The following IFT57 variants were observed in gnomAD, a reference collection of about 807,000 sequenced individuals.
IFT57 encodes intraflagellar transport 57, also known as intraflagellar transport protein 57 homolog.
Under a neutral mutation model 56.8 loss-of-function variants are expected in IFT57, and 59 were observed. The observed-to-expected ratio is 1.04, with a 90% CI of 0.84 to 1.29. The LOEUF is 1.29. Ranked by LOEUF, IFT57 falls within the 50% of genes most tolerant of loss-of-function variation. IFT57 has a pLI of 0.00. For synonymous variants in IFT57, 209 were observed against 186.1 expected, an observed-to-expected ratio of 1.12 and a Z score of -1.00; for missense variants, 470 against 522.1, an observed-to-expected ratio of 0.90 and a Z score of 0.97.
Position 108,191,118 on chromosome 3 carries a change from G to T in IFT57, c.777+403C>A, listed in dbSNP as rs948583094. The stretch of plus-strand genomic sequence containing the variant: ...CATTTTATTTTTAATCACATGTATT[G>T]AATAGATTATCTAAGACCACTTCCA... On this transcript the variant is annotated intron_variant, in intron 6 of 10. Coordinates refer to ENST00000264538, the MANE Select transcript of IFT57 (RefSeq NM_018010.4). Among the ~76,000 whole-genome samples, 6 of 152,270 alleles carry T rather than the reference G, an allele frequency of 3.9e-5. No homozygotes were observed. The East Asian group carries it at 1.2e-3, about 29-fold the overall frequency.
chr3:108,213,926 C>A lies in IFT57; in HGVS notation c.585+5G>T, dbSNP rs759634208. 8.3e-6 allele frequency: 13 copies of A among 1,573,808 alleles called. No individual in the cohort carries two copies. Among genetic ancestry groups the A allele is most frequent in the Non-Finnish European group, 8.7e-6 (10 of 1,144,096 alleles). On this transcript the variant is annotated splice_donor_5th_base_variant and intron_variant, in intron 4 of 10. Coordinates refer to ENST00000264538, the MANE Select transcript of IFT57 (RefSeq NM_018010.4). ...AATGAACAGAAAGTTCAGCTACACACATACCACAAATTCTTCATCCACTTT... is the reference window on the plus strand; with the variant it reads ...AATGAACAGAAAGTTCAGCTACACAAATACCACAAATTCTTCATCCACTTT...
At chr3:108,169,320 C>A (rs1314144753) in intron 6 of IFT57, among the ~76,000 whole-genome samples, 1 of 151,830 alleles carries the variant, frequency 6.6e-6, no homozygotes, top group Non-Finnish European at 1.5e-5. Context: ...ATATCCTTTG[C>A]CCACTTTTTG....
intron 5 of IFT57, among the ~76,000 whole-genome samples, chr3:108,193,138 T>C (rs193029586): frequency 2.0e-4 from 31 of 152,346 alleles, no homozygotes; most frequent in African/African-American, 5.8e-4. Context: ...TTTATGTCAC[T>C]AAAATCACAT....
intron 6 of IFT57, among the ~76,000 whole-genome samples, chr3:108,170,467 G>C (rs1349570076): frequency 6.6e-6 from 1 of 151,858 alleles, no homozygotes; most frequent in African/African-American, 2.4e-5. Context: ...TCTTCAAGGA[G>C]AACTAAAAAC....
At chr3:108,218,176 G>A (rs942312789) in intron 3 of IFT57, among the ~76,000 whole-genome samples, 8 of 151,818 alleles carry the variant, frequency 5.3e-5, no homozygotes, top group African/African-American at 1.5e-4. Flanking sequence ...CCTTAAATCT[G>A]TAGCTATCAG....
intron 6 of IFT57, among the ~76,000 whole-genome samples, chr3:108,171,412 CT>C (rs545087960): frequency 2.4e-3 from 359 of 151,920 alleles, no homozygotes; most frequent in Middle Eastern, 3.4e-3. Context: ...AGTGAGGGTG[CT>C]AGAGTAGAAA....
At chr3:108,180,653 G>T (rs1008680432) in intron 6 of IFT57, among the ~76,000 whole-genome samples, 5 of 151,842 alleles carry the variant, frequency 3.3e-5, no homozygotes, top group Non-Finnish European at 7.4e-5. Context: ...TCAAATAAAT[G>T]GGATAAAAAC....
intron 6 of IFT57, among the ~76,000 whole-genome samples, chr3:108,178,830 A>T (rs2080137502): frequency 6.6e-6 from 1 of 151,902 alleles, no homozygotes; most frequent in Non-Finnish European, 1.5e-5. Flanking sequence ...TTTATTTGGC[A>T]GAGTCTACTA....
At chr3:108,202,172 C>CT (rs1418669530) in intron 5 of IFT57, among the ~76,000 whole-genome samples, 1 of 152,246 alleles carries the variant, frequency 6.6e-6, no homozygotes, top group South Asian at 2.1e-4. Context: ...TCCCTCTCCT[C>CT]TTTTTTTCAC....
chr3:108,203,574 T>C, intron 5 of IFT57, among the ~76,000 whole-genome samples: 1 of 152,196 alleles, frequency 6.6e-6, no homozygotes, highest in East Asian at 1.9e-4. Context: ...GTCAGTAAGT[T>C]CTTTTCTCTA....
chr3:108,211,210 A>G (rs1386540543), intron 4 of IFT57, among the ~76,000 whole-genome samples: 3 of 152,188 alleles, frequency 2.0e-5, no homozygotes, highest in African/African-American at 7.2e-5. Context: ...GTTCTTAGTT[A>G]TATGCCTTTG....
chr3:108,198,729 C>G (rs1353690052), intron 5 of IFT57, among the ~76,000 whole-genome samples: 2 of 152,178 alleles, frequency 1.3e-5, no homozygotes, highest in African/African-American at 4.8e-5. Flanking sequence ...GCGTGAGTCA[C>G]TGCACTCGGC....
At chr3:108,194,036 G>A (rs547212811) in intron 5 of IFT57, among the ~76,000 whole-genome samples, 1 of 152,246 alleles carries the variant, frequency 6.6e-6, no homozygotes, top group East Asian at 1.9e-4. Context: ...CAGGGGTTAT[G>A]GGCAATCCCA....
At chr3:108,201,641 T>C (rs1268492276) in intron 5 of IFT57, among the ~76,000 whole-genome samples, 2 of 152,172 alleles carry the variant, frequency 1.3e-5, no homozygotes, top group Non-Finnish European at 2.9e-5. Context: ...AACATTCTCC[T>C]TAAGCAGGAA....
At chr3:108,217,365 T>A (rs1008874172) in intron 3 of IFT57, among the ~76,000 whole-genome samples, 20 of 152,082 alleles carry the variant, frequency 1.3e-4, no homozygotes, top group African/African-American at 4.1e-4. Flanking sequence ...TAGAATATAT[T>A]AGTCTATTAA....
intron 6 of IFT57, among the ~76,000 whole-genome samples, chr3:108,168,536 G>C (rs1363486930): frequency 6.6e-6 from 1 of 151,910 alleles, no homozygotes; most frequent in Admixed American, 6.6e-5. Flanking sequence ...GTGCAAGTTT[G>C]TTACATAGGT....
chr3:108,189,887 A>ATGT (rs77526190), intron 6 of IFT57, among the ~76,000 whole-genome samples: 14,634 of 152,230 alleles, frequency 0.096, 760 homozygotes, highest in Middle Eastern at 0.12. Flanking sequence ...ACTAAAGAAA[A>ATGT]TATTAAGAAA....
intron 6 of IFT57, 40 bp downstream of exon 6, chr3:108,191,481 T>G (rs1209430159): frequency 6.0e-6 from 2 of 331,462 alleles, no homozygotes; most frequent in Admixed American, 1.3e-4. Context: ...TCCTTATAAC[T>G]TTTTTTTTTT....
chr3:108,165,551 G>A, intron 8 of IFT57, 58 bp from the exon 9 acceptor site: 9 of 1,337,176 alleles, frequency 6.7e-6, no homozygotes, highest in South Asian at 4.7e-5. Context: ...GATTAAATAC[G>A]ACTGACCTCT....
Sources: allele counts gnomAD v4.1 joint callset (sites outside exome capture counted in the v4.1 genomes callset), GRCh38; gene constraint gnomAD v4.1.1; transcripts MANE v1.5; gene names NCBI Gene and HGNC (gene_info 2026-07-23, HGNC 2026-07-21).